The following ZNF469 variants were observed in gnomAD, a reference collection of about 807,000 sequenced individuals.
The protein encoded by ZNF469 is zinc finger protein 469.
A neutral mutation model predicts 1.0 loss-of-function variants in ZNF469; 1 was observed. The observed-to-expected ratio is 1.00, with a 90% CI of 0.35 to 4.73. ZNF469 has a LOEUF of 4.73. Among genes scored for constraint, ZNF469 ranks in the 30% most tolerant of loss-of-function variants. ZNF469 has a pLI of 0.16. For synonymous variants in ZNF469, 2,703 were observed against 2,363.4 expected, an observed-to-expected ratio of 1.14 and a Z score of -4.17; for missense variants, 6,100 against 5,356.3, an observed-to-expected ratio of 1.14 and a Z score of -4.33.
chr16:88,361,677 A>G, the ZNF469 span, among the ~76,000 whole-genome samples: 4 of 150,602 alleles, frequency 2.7e-5, no homozygotes, highest in Non-Finnish European at 5.9e-5. Context: ...CTTAATGGTG[A>G]CTTTTCATGA....
In ZNF469 at chr16:88,438,289, A is replaced by C. The variant is rs1906746621; in HGVS notation, c.10819A>C (p.Arg3607=). Residue 3607 remains arginine, a synonymous_variant, in exon 3 of 3, where the codon AGA becomes CGA. Transcript: ENST00000565624. The stretch of plus-strand genomic sequence containing the variant: ...GGCATCTCTGCCGCGGCCGGGAGCC[A>C]GAGGCCAAGATGCGGAGGGAAAGAG... ...LGASLPRPGA[R]GQDAEGKRAP... The C allele has an allele frequency of 1.9e-6, 3 of 1,548,292 alleles. No individual in the cohort carries two copies.
chr16:88,390,936 A>G (rs969043340), intron 1 of ZNF469, among the ~76,000 whole-genome samples: 1 of 152,214 alleles, frequency 6.6e-6, no homozygotes, highest in East Asian at 1.9e-4. Flanking sequence ...CTGGCAGCTC[A>G]TGGTCAGCAG....
At chr16:88,326,001 C>T in the ZNF469 span, among the ~76,000 whole-genome samples, 4 of 152,324 alleles carry the variant, frequency 2.6e-5, no homozygotes, top group East Asian at 3.9e-4. Context: ...CCTGTGATTG[C>T]GCCCCCTCCC....
chr16:88,380,019 G>A (rs753885916), upstream of ZNF469, among the ~76,000 whole-genome samples: 62 of 152,154 alleles, frequency 4.1e-4, no homozygotes, highest in South Asian at 8.3e-4. Flanking sequence ...GCTAGGAAAA[G>A]AACTTGTGTG....
the ZNF469 span, among the ~76,000 whole-genome samples, chr16:88,103,376 C>A: frequency 1.3e-5 from 2 of 152,382 alleles, no homozygotes; most frequent in East Asian, 3.9e-4. Flanking sequence ...CTGGTCTGAG[C>A]TCTCCACCTG....
chr16:88,401,908 A>G (rs1904884652), intron 1 of ZNF469, among the ~76,000 whole-genome samples: 2 of 62,368 alleles, frequency 3.2e-5, no homozygotes, highest in Non-Finnish European at 6.3e-5. Flanking sequence ...GGATGGATGG[A>G]GGGATGGATG....
At chr16:88,312,653 G>C in the ZNF469 span, among the ~76,000 whole-genome samples, 2 of 152,158 alleles carry the variant, frequency 1.3e-5, no homozygotes, top group African/African-American at 2.4e-5. Flanking sequence ...ATTTCTTCTA[G>C]TGCTTTTGTT....
the ZNF469 span, among the ~76,000 whole-genome samples, chr16:88,247,428 A>ATGAATGAGTGAATAAGTGAG: frequency 1.3e-5 from 2 of 150,920 alleles, no homozygotes; most frequent in Admixed American, 1.3e-4. Context: ...AAGTGAATGA[A>ATGAATGAGTGAATAAGTGAG]TGAATGAGTG....
chr16:88,112,980 G>C, the ZNF469 span, among the ~76,000 whole-genome samples: 1 of 151,742 alleles, frequency 6.6e-6, no homozygotes, highest in Admixed American at 6.6e-5. Context: ...GGGTTTCACC[G>C]TGTTAGCCAG....
the ZNF469 span, among the ~76,000 whole-genome samples, chr16:88,174,114 T>G: frequency 8.1e-4 from 124 of 152,210 alleles, no homozygotes; most frequent in African/African-American, 2.7e-3. Context: ...GCAATTTAAA[T>G]AAGAAGCACA....
chr16:88,426,534 G>A (rs1905708996), intron 2 of ZNF469, among the ~76,000 whole-genome samples: 1 of 152,274 alleles, frequency 6.6e-6, no homozygotes, highest in African/African-American at 2.4e-5. Flanking sequence ...AGGCTCCTCT[G>A]GGCAAGCGGC....
At chr16:88,150,843 G>A in the ZNF469 span, among the ~76,000 whole-genome samples, 2 of 152,068 alleles carry the variant, frequency 1.3e-5, no homozygotes, top group Admixed American at 6.5e-5. Flanking sequence ...GTGGGGTTCC[G>A]GTAGGCAGGC....
the ZNF469 span, among the ~76,000 whole-genome samples, chr16:88,122,059 G>A: frequency 6.7e-6 from 1 of 149,990 alleles, no homozygotes; most frequent in Non-Finnish European, 1.5e-5. Flanking sequence ...CGGCCACTCT[G>A]ATCGCACCCT....
chr16:88,346,329 C>G, the ZNF469 span, among the ~76,000 whole-genome samples: 2 of 152,182 alleles, frequency 1.3e-5, no homozygotes, highest in African/African-American at 4.8e-5. Context: ...GGGGACCCAG[C>G]TACGCTTGTC....
chr16:88,299,554 G>T, the ZNF469 span, among the ~76,000 whole-genome samples: 4 of 152,204 alleles, frequency 2.6e-5, no homozygotes, highest in African/African-American at 9.6e-5. Flanking sequence ...TGGGGCTGTG[G>T]CTTCTGGGAG....
rs1313348084 is a variant in ZNF469, at chr16:88,437,804, G to A, written c.10334G>A (p.Arg3445Gln). The part of the protein sequence containing the change: ...RHMNKHLRGG[R>Q]QPFAFRGVRR... ...ATGAACAAGCACCTCAGGGGGGGGCGGCAGCCCTTCGCGTTCCGCGGCGTG... is the reference window on the plus strand; with the variant it reads ...ATGAACAAGCACCTCAGGGGGGGGCAGCAGCCCTTCGCGTTCCGCGGCGTG... The change falls in exon 3 of 3, where the codon CGG becomes CAG. Residue 3445 changes from arginine to glutamine, a missense_variant. Arg to Gln is a conservative substitution (Grantham distance 43). Coordinates refer to ENST00000565624, the MANE Select transcript of ZNF469 (RefSeq NM_001367624.2). 3.9e-6 allele frequency: 6 copies of A among 1,544,968 alleles called. No individual in the cohort carries two copies. Among genetic ancestry groups the A allele is most frequent in the Non-Finnish European group, 2.6e-6 (3 of 1,142,950 alleles).
chr16:88,111,681 G>A, the ZNF469 span, among the ~76,000 whole-genome samples: 2 of 152,144 alleles, frequency 1.3e-5, no homozygotes, highest in African/African-American at 4.8e-5. Flanking sequence ...TCTGTCACCA[G>A]GCTGGAGTGC....
chr16:88,325,700 A>T, the ZNF469 span, among the ~76,000 whole-genome samples: 1 of 152,194 alleles, frequency 6.6e-6, no homozygotes, highest in African/African-American at 2.4e-5. Flanking sequence ...GACTTGTTCA[A>T]TGTCACCCCA....
At chr16:88,169,914 G>A in the ZNF469 span, among the ~76,000 whole-genome samples, 3 of 152,204 alleles carry the variant, frequency 2.0e-5, no homozygotes, top group African/African-American at 7.2e-5. The surrounding 1 kb of genome is among the most constrained non-coding windows in gnomAD (Gnocchi z 6.1). Flanking sequence ...GTGGCACCTG[G>A]CTGGGGTTTC....
Sources: allele counts gnomAD v4.1 joint callset (sites outside exome capture counted in the v4.1 genomes callset), GRCh38; gene constraint gnomAD v4.1.1; non-coding constraint Gnocchi (gnomAD v3.1); transcripts MANE v1.5; gene names NCBI Gene and HGNC (gene_info 2026-07-23, HGNC 2026-07-21).